The following TMEM132D variants were observed in gnomAD, a reference collection of about 807,000 sequenced individuals.
The protein encoded by TMEM132D is mature OL transmembrane protein.
TMEM132D carries 21 observed loss-of-function variants against 62.3 expected under a neutral mutation model. That is an observed-to-expected ratio of 0.34 (90% CI 0.24 to 0.49). TMEM132D has a LOEUF of 0.49. TMEM132D is among the 20% of genes least tolerant of loss of function. TMEM132D has a pLI of 0.99. For synonymous variants in TMEM132D, 621 were observed against 575.6 expected (o/e 1.08, Z -1.13); for missense variants, 1,346 against 1,402.8 (o/e 0.96, Z 0.65).
intron 3 of TMEM132D, among the ~76,000 whole-genome samples, chr12:129,433,372 A>G (rs983911903): frequency 6.6e-6 from 1 of 152,198 alleles, no homozygotes; most frequent in African/African-American, 2.4e-5. Context: ...AACTCCTAGA[A>G]GCAGTGTATG....
At chr12:129,801,995 AT>A (rs1199080051) in intron 1 of TMEM132D, among the ~76,000 whole-genome samples, 4 of 150,584 alleles carry the variant, frequency 2.7e-5, no homozygotes, top group African/African-American at 9.8e-5. Flanking sequence ...AGAAAAAAGA[AT>A]AACAAGAAAT....
At chr12:129,757,435 T>C (rs922474494) in intron 1 of TMEM132D, among the ~76,000 whole-genome samples, 2 of 152,268 alleles carry the variant, frequency 1.3e-5, no homozygotes. Flanking sequence ...ATATGCCAAT[T>C]ACTCAAAAAT....
At position 129,081,739 on chromosome 12, in the gene TMEM132D, ATTT is replaced by A. The variant is rs34663182; in HGVS notation, c.1923+17_1923+19del. On this transcript the variant is annotated intron_variant, in intron 7 of 8. Coordinates refer to ENST00000422113, the MANE Select transcript of TMEM132D (RefSeq NM_133448.3). Reference sequence around the variant, plus strand: ...AAGACAGAGAGATCTTGATTTGGGGATTTTTTTTTTTTTTTTTACCTGAATGGT... The same window carrying A: ...AAGACAGAGAGATCTTGATTTGGGGATTTTTTTTTTTTTTACCTGAATGGT... 3.5e-3 allele frequency: 5,118 copies of A among 1,472,392 alleles called. No individual in the cohort carries two copies. The highest frequency in any genetic ancestry group is 0.016 in the Admixed American group (720 of 44,470). 91.2% of individuals were successfully genotyped at this position (1,472,392 alleles called of 1,614,324 possible).
At chr12:129,348,547 G>T (rs1447882560) in intron 3 of TMEM132D, among the ~76,000 whole-genome samples, 1 of 152,150 alleles carries the variant, frequency 6.6e-6, no homozygotes, top group Admixed American at 6.5e-5. Context: ...ACCCACCAGG[G>T]CCTGTCGGGG....
chr12:129,397,565 A>G (rs111444185), intron 3 of TMEM132D, among the ~76,000 whole-genome samples: 5,766 of 152,218 alleles, frequency 0.038, 184 homozygotes, highest in African/African-American at 0.091. Flanking sequence ...ATGGAAGACA[A>G]GCAGAGAAAG....
intron 5 of TMEM132D, among the ~76,000 whole-genome samples, chr12:129,151,577 C>A (rs558015879): frequency 2.0e-5 from 3 of 152,170 alleles, no homozygotes; most frequent in Non-Finnish European, 2.9e-5. Flanking sequence ...GGTCACGGCG[C>A]GTGTAATATT....
chr12:129,437,830 G>T (rs7972310), intron 3 of TMEM132D, among the ~76,000 whole-genome samples: 58,590 of 150,012 alleles, frequency 0.39, 11,572 homozygotes, highest in South Asian at 0.54. Flanking sequence ...ATGGTGGTTT[G>T]CTGCACCCAT....
intron 1 of TMEM132D, among the ~76,000 whole-genome samples, chr12:129,803,463 C>T (rs1871866925): frequency 6.6e-6 from 1 of 151,968 alleles, no homozygotes; most frequent in Non-Finnish European, 1.5e-5. Context: ...GAAATAAAGG[C>T]AGAAATAAAG....
intron 2 of TMEM132D, among the ~76,000 whole-genome samples, chr12:129,612,047 C>T (rs1473388526): frequency 6.6e-6 from 1 of 152,168 alleles, no homozygotes; most frequent in Non-Finnish European, 1.5e-5. Context: ...AACTGATCTC[C>T]ACCCTAGACC....
Position 129,868,073 on chromosome 12 carries a change from CAT to C in TMEM132D, c.79+35186_79+35187del, listed in dbSNP as rs769522905. On this transcript the variant is annotated intron_variant, in intron 1 of 8. Coordinates refer to ENST00000422113, the MANE Select transcript of TMEM132D (RefSeq NM_133448.3). ...TGAGACAGCGTTTCTATGGTACACA[CAT>C]GAGGCAGCATTTCTATGGTACACTT... is the stretch of plus-strand genomic sequence containing the variant. Among the ~76,000 whole-genome samples, 10 of 152,206 alleles carry C rather than the reference CAT, an allele frequency of 6.6e-5. No homozygotes were observed. The South Asian group carries it at 1.5e-3, about 22-fold the overall frequency.
intron 4 of TMEM132D, among the ~76,000 whole-genome samples, chr12:129,226,392 G>A (rs370041438): frequency 6.6e-6 from 1 of 152,208 alleles, no homozygotes; most frequent in Non-Finnish European, 1.5e-5. Flanking sequence ...GAGCCCACAG[G>A]TTAGGACTTA....
At chr12:129,599,399 C>A (rs149741322) in intron 2 of TMEM132D, among the ~76,000 whole-genome samples, 1 of 152,334 alleles carries the variant, frequency 6.6e-6, no homozygotes, top group South Asian at 2.1e-4. Flanking sequence ...ACACCAGCCA[C>A]TATCTATTCT....
intron 8 of TMEM132D, among the ~76,000 whole-genome samples, chr12:129,076,126 G>A (rs1874247750): frequency 6.6e-6 from 1 of 152,062 alleles, no homozygotes; most frequent in African/African-American, 2.4e-5. Context: ...AGAAAGACAA[G>A]ACTGACAAAG....
intron 1 of TMEM132D, among the ~76,000 whole-genome samples, chr12:129,861,757 GAAAAAA>G (rs11405892): frequency 6.0e-5 from 8 of 132,766 alleles, no homozygotes; most frequent in African/African-American, 2.3e-4. Flanking sequence ...CTGTCTCAAA[GAAAAAA>G]AAAAAAAAAA....
At chr12:129,626,307 C>T (rs370613481) in intron 2 of TMEM132D, among the ~76,000 whole-genome samples, 1 of 152,016 alleles carries the variant, frequency 6.6e-6, no homozygotes, top group Non-Finnish European at 1.5e-5. Context: ...AGAACATAAT[C>T]GAAGACAGGA....
chr12:129,878,505 G>T lies in TMEM132D; in HGVS notation c.79+24756C>A, dbSNP rs139998599. Among the ~76,000 whole-genome samples, 239 of 151,986 alleles carry T rather than the reference G, an allele frequency of 1.6e-3. 1 individual carries two copies. Among genetic ancestry groups the T allele is most frequent in the African/African-American group, 5.4e-3 (226 of 41,474 alleles). ...GACAGCTACTGGCAGGAGACTAGAG[G>T]ATGGAAAAGAGAGCCCAGGGCTGTC... On this transcript the variant is annotated intron_variant, in intron 1 of 8. Transcript: ENST00000422113.
chr12:129,561,960 T>C (rs1178740469), intron 2 of TMEM132D, among the ~76,000 whole-genome samples: 2 of 152,222 alleles, frequency 1.3e-5, no homozygotes, highest in Non-Finnish European at 2.9e-5. Flanking sequence ...TCTGTGCAAA[T>C]TAATTCAGAG....
intron 3 of TMEM132D, among the ~76,000 whole-genome samples, chr12:129,415,810 C>A (rs1365289305): frequency 1.3e-5 from 2 of 152,222 alleles, no homozygotes; most frequent in Non-Finnish European, 2.9e-5. Context: ...ATTGATCAGA[C>A]TGGCATGGTG....
At chr12:129,787,078 G>A (rs1468303193) in intron 1 of TMEM132D, among the ~76,000 whole-genome samples, 1 of 152,092 alleles carries the variant, frequency 6.6e-6, no homozygotes, top group East Asian at 1.9e-4. Flanking sequence ...GCTGTGAAAA[G>A]CTTTGCCCCA....
Sources: gnomAD v4.1 joint callset for allele counts (sites outside exome capture counted in the v4.1 genomes callset) on GRCh38, gnomAD v4.1.1 for gene constraint, MANE v1.5 for transcripts, NCBI Gene and HGNC (gene_info 2026-07-23, HGNC 2026-07-21) for gene names.